CRISP3: variants seen among roughly 807,000 people sequenced by gnomAD.
The protein encoded by CRISP3 is cysteine rich secretory protein 3, also known as cysteine-rich secretory protein 3.
CRISP3 carries 33 observed loss-of-function variants against 36.1 expected under a neutral mutation model. That is an observed-to-expected ratio of 0.91 (90% CI 0.69 to 1.22). CRISP3 has a LOEUF of 1.22. CRISP3 is among the 50% of genes most tolerant of loss of function. CRISP3 has a pLI of 0.00. For missense variants in CRISP3, 330 were observed against 301.2 expected, an observed-to-expected ratio of 1.10 and a Z score of -0.71; for synonymous variants, 117 against 104.6, an observed-to-expected ratio of 1.12 and a Z score of -0.72.
At chr6:49,735,069 A>G (rs1769008510) in intron 4 of CRISP3, among the ~76,000 whole-genome samples, 1 of 152,162 alleles carries the variant, frequency 6.6e-6, no homozygotes, top group Non-Finnish European at 1.5e-5. Flanking sequence ...AATATTTTAT[A>G]GAAAAAAAAT....
chr6:49,738,718 C>A (rs915746736), intron 1 of CRISP3, among the ~76,000 whole-genome samples: 1 of 152,118 alleles, frequency 6.6e-6, no homozygotes, highest in East Asian at 1.9e-4. Flanking sequence ...CACCTCTGCA[C>A]CCCACCACCC....
chr6:49,737,455 G>C (rs745899022), intron 1 of CRISP3, 57 bp from the exon 2 acceptor site: 4 of 1,582,778 alleles, frequency 2.5e-6, no homozygotes, highest in African/African-American at 1.4e-5. Flanking sequence ...GGTACATGCT[G>C]TTGAGTAACA....
In CRISP3 at chr6:49,741,151, C is replaced by CAA. The variant is rs10616289; in HGVS notation, c.37+3178_37+3179dup. On this transcript the variant is annotated intron_variant, in intron 1 of 7. Coordinates refer to ENST00000263045, the MANE Select transcript of CRISP3 (RefSeq NM_006061.4). ...AAAAAAACAAACAAAAAAAAACCACCAAAAAAAAAAAAACAAAAAACGAAA... is the reference window on the plus strand; with the variant it reads ...AAAAAAACAAACAAAAAAAAACCACCAAAAAAAAAAAAAAACAAAAAACGAAA... Among the ~76,000 whole-genome samples, 717 of 135,412 alleles carry CAA rather than the reference C, an allele frequency of 5.3e-3. 5 individuals carry two copies. The highest frequency in any genetic ancestry group is 0.017 in the African/African-American group (621 of 36,874). The allele number at this position is 135,412 out of a possible 152,430, so 88.8% of individuals were successfully genotyped here.
rs531804169 is a variant in CRISP3 at position 49,738,932 on chromosome 6, G to A, written c.38-1534C>T. On this transcript the variant is annotated intron_variant, in intron 1 of 7. Coordinates refer to ENST00000263045, the MANE Select transcript of CRISP3 (RefSeq NM_006061.4). The stretch of plus-strand genomic sequence containing the variant: ...GGAAGAACAAGAAAATGGGAGCAGG[G>A]GAGATATACTTTTGATAACAAGTGT... 2.6e-5 allele frequency among the ~76,000 whole-genome samples: 4 copies of A among 152,068 alleles called. No individual in the cohort carries two copies. The South Asian group carries it at 8.3e-4, about 32-fold the overall frequency.
intron 1 of CRISP3, among the ~76,000 whole-genome samples, chr6:49,743,724 T>A (rs886265090): frequency 2.0e-5 from 3 of 152,160 alleles, no homozygotes; most frequent in Non-Finnish European, 2.9e-5. Flanking sequence ...TATATTTAAA[T>A]TACCTACATA....
chr6:49,740,714 C>CATT (rs71002681), intron 1 of CRISP3, among the ~76,000 whole-genome samples: 112,744 of 151,258 alleles, frequency 0.75, 42,247 homozygotes, highest in Middle Eastern at 0.83. Context: ...TCAAAACAAT[C>CATT]GATTCCTCTT....
chr6:49,732,332 G>A (rs1024209533), intron 6 of CRISP3, among the ~76,000 whole-genome samples: 3 of 152,136 alleles, frequency 2.0e-5, no homozygotes, highest in Non-Finnish European at 4.4e-5. Flanking sequence ...TTCTCAGACT[G>A]GAATCCTACA....
chr6:49,727,729 C>T lies in CRISP3; in HGVS notation c.*1001G>A, dbSNP rs982345408. On this transcript the variant is annotated 3_prime_UTR_variant, in exon 8 of 8. Coordinates refer to ENST00000263045, the MANE Select transcript of CRISP3 (RefSeq NM_006061.4). ...ATGATTTTTACAGTTTTGAGGAATACTCTAAAATACCCCAGGGATATTTTG... is the reference window on the plus strand; with the variant it reads ...ATGATTTTTACAGTTTTGAGGAATATTCTAAAATACCCCAGGGATATTTTG... 1 of 152,096 alleles carries T rather than the reference C, an allele frequency of 6.6e-6. No individual in the cohort carries two copies. The highest frequency in any genetic ancestry group is 1.5e-5 in the Non-Finnish European group (1 of 67,988). The allele number at this position is 152,096 out of a possible 1,614,324, so 9.4% of individuals were successfully genotyped here. A position where few individuals can be genotyped will look rare whatever the true frequency, so the allele number is the denominator to read the frequency against.
At position 49,728,652 on chromosome 6, in the gene CRISP3, TAAATCTAAGTAGATGCC is replaced by T; in HGVS notation, c.*61_*77del. ...CTACAATTTCTCAGCTAGTATATGT[TAAATCTAAGTAGATGCC>T]AAATCTAAGTAGATAATCTGACTCC... On this transcript the variant is annotated 3_prime_UTR_variant, in exon 8 of 8. Transcript: ENST00000263045. 7.8e-7 allele frequency: 1 copy of T among 1,275,212 alleles called. No individual in the cohort carries two copies. The highest frequency in any genetic ancestry group is 1.0e-6 in the Non-Finnish European group (1 of 961,828). The allele number at this position is 1,275,212 out of a possible 1,614,324, so 79.0% of individuals were successfully genotyped here.
chr6:49,744,343 G>T lies in CRISP3; in HGVS notation c.25C>A (p.Leu9Met). Residue 9 changes from leucine (L) to methionine (M), a missense_variant, in exon 1 of 8, where the codon CTG becomes ATG. Leu to Met is a conservative substitution (Grantham distance 15). Coordinates refer to ENST00000263045, the MANE Select transcript of CRISP3 (RefSeq NM_006061.4). ...AGTTATCACTTACCAGTGGTTTCCA[G>T]AGCAGGATGAAGTATTTGTTTCATC... MKQILHPALETTAMTLFPV... is the reference protein window; with the variant it reads MKQILHPAMETTAMTLFPV... The T allele has an allele frequency of 6.5e-7, 1 of 1,532,758 alleles. No homozygotes were observed. Among genetic ancestry groups the T allele is most frequent in the Middle Eastern group, 1.7e-4 (1 of 5,978 alleles). The allele number at this position is 1,532,758 out of a possible 1,614,324, so 94.9% of individuals were successfully genotyped here.
intron 7 of CRISP3, among the ~76,000 whole-genome samples, chr6:49,730,441 T>A (rs1188973118): frequency 6.6e-6 from 1 of 152,152 alleles, no homozygotes; most frequent in Non-Finnish European, 1.5e-5. Flanking sequence ...ATAAGTTCAT[T>A]AGCATATGAG....
chr6:49,732,137 A>C (rs1443486768), intron 6 of CRISP3, among the ~76,000 whole-genome samples: 2 of 152,186 alleles, frequency 1.3e-5, no homozygotes, highest in Non-Finnish European at 2.9e-5. Context: ...AATAGATATC[A>C]AAGTGTTCTG....
chr6:49,742,356 G>A (rs1769226451), intron 1 of CRISP3, among the ~76,000 whole-genome samples: 1 of 152,054 alleles, frequency 6.6e-6, no homozygotes, highest in Non-Finnish European at 1.5e-5. Context: ...AATTGCTTGG[G>A]CGCAGTGGCT....
In CRISP3 at chr6:49,736,469, T is replaced by C. The variant is rs1314766074; in HGVS notation, c.150A>G (p.Gln50=). ...AFTALLTTQT[Q]VQREIVNKHN... is the part of the protein sequence containing the mutation. ...GCTTATTCACAATCTCCCTTTGCAC[T>C]TGTGTTTGGGTGGTTAACAAAGCAG... The change falls in exon 3 of 8, where the codon CAA becomes CAG. Residue 50 remains glutamine, a synonymous_variant. Coordinates refer to ENST00000263045, the MANE Select transcript of CRISP3 (RefSeq NM_006061.4). 1.2e-6 allele frequency: 2 copies of C among 1,613,734 alleles called. No individual in the cohort carries two copies. Among genetic ancestry groups the C allele is most frequent in the Admixed American group, 3.3e-5 (2 of 59,990 alleles).
At chr6:49,742,764 G>A (rs1225725627) in intron 1 of CRISP3, among the ~76,000 whole-genome samples, 2 of 151,932 alleles carry the variant, frequency 1.3e-5, no homozygotes, top group Non-Finnish European at 2.9e-5. Flanking sequence ...ATTATTGTAG[G>A]AACAGATAAA....
Position 49,733,824 on chromosome 6 carries a change from T to G in CRISP3, c.341A>C (p.Tyr114Ser), listed in dbSNP as rs199808242. Reference protein sequence around the residue: ...MTSLKCGENLYMSSASSSWSQ... With the variant: ...MTSLKCGENLSMSSASSSWSQ... ...CCATGAGCTGGAGGCACTTGACATG[T>G]AGAGATTCTCACCACATTTTAGACC... The change falls in exon 5 of 8, where the codon TAC becomes TCC. Residue 114 changes from tyrosine (Y) to serine (S), a missense_variant. Coordinates refer to ENST00000263045, the MANE Select transcript of CRISP3 (RefSeq NM_006061.4). The G allele has an allele frequency of 1.2e-4, 198 of 1,613,772 alleles. 1 individual carries two copies. The East Asian group carries it at 4.1e-3, about 34-fold the overall frequency.
Position 49,736,482 on chromosome 6 carries a change from G to A in CRISP3, c.137C>T (p.Thr46Ile), listed in dbSNP as rs1769055835. The A allele has an allele frequency of 6.2e-7, 1 of 1,613,386 alleles. No homozygotes were observed. The highest frequency in any genetic ancestry group is 8.5e-7 in the Non-Finnish European group (1 of 1,179,464). ...DKDPAFTALL[T>I]TQTQVQREIV... ...CTCCCTTTGCACTTGTGTTTGGGTGGTTAACAAAGCAGTAAAAGCGGGATC... is the reference window on the plus strand; with the variant it reads ...CTCCCTTTGCACTTGTGTTTGGGTGATTAACAAAGCAGTAAAAGCGGGATC... Residue 46 changes from threonine to isoleucine, a missense_variant, in exon 3 of 8, where the codon ACC (threonine) becomes ATC (isoleucine). Transcript: ENST00000263045.
In CRISP3 at chr6:49,733,728, T is replaced by C. The variant is rs186676018; in HGVS notation, c.437A>G (p.Asn146Ser). 24 of 1,613,530 alleles carry C rather than the reference T, an allele frequency of 1.5e-5. No homozygotes were observed. The South Asian group carries it at 2.3e-4, about 16-fold the overall frequency. The stretch of plus-strand genomic sequence containing the variant: ...CTGTGTATAATGTCCAACCACTGCG[T>C]TGGGAGTCTTTGGCCCTACACCAAA... ...FDFGVGPKTP[N>S]AVVGHYTQVV... is the part of the protein sequence containing the mutation. Residue 146 changes from asparagine to serine, a missense_variant, in exon 5 of 8, where the codon AAC becomes AGC. Coordinates refer to ENST00000263045, the MANE Select transcript of CRISP3 (RefSeq NM_006061.4).
chr6:49,732,983 G>A (rs1383804252), intron 6 of CRISP3, among the ~76,000 whole-genome samples: 1 of 152,174 alleles, frequency 6.6e-6, no homozygotes, highest in African/African-American at 2.4e-5. Flanking sequence ...TTTTAGGCAT[G>A]AGGAAAGACA....
Sources: gnomAD v4.1 joint callset for allele counts (sites outside exome capture counted in the v4.1 genomes callset) on GRCh38, gnomAD v4.1.1 for gene constraint, MANE v1.5 for transcripts, NCBI Gene and HGNC (gene_info 2026-07-23, HGNC 2026-07-21) for gene names.